Variants in NT5DC1 observed in about 807,000 individuals in gnomAD.
NT5DC1 encodes the protein 5'-nucleotidase domain containing 1, also known as 5'-nucleotidase domain-containing protein 1.
A neutral mutation model predicts 59.4 loss-of-function variants in NT5DC1; 42 were observed. The observed-to-expected ratio is 0.71, with a 90% CI of 0.55 to 0.92. The LOEUF (loss-of-function observed/expected upper bound fraction) is 0.92, where lower values mean the gene tolerates loss of function less well. NT5DC1 is among the 40% of genes least tolerant of loss of function. The pLI, the probability that NT5DC1 is intolerant of heterozygous loss-of-function variation, is 0.00. For missense variants in NT5DC1, 501 were observed against 537.1 expected, an observed-to-expected ratio of 0.93 and a Z score of 0.66; for synonymous variants, 172 against 188.1, an observed-to-expected ratio of 0.91 and a Z score of 0.70.
At chr6:116,103,551 T>C (rs564253) in intron 1 of NT5DC1, among the ~76,000 whole-genome samples, 91,215 of 151,558 alleles carry the variant, frequency 0.6, 27,796 homozygotes, top group South Asian at 0.79. Flanking sequence ...AGAGTAAAGG[T>C]CAGAACCTCG....
intron 6 of NT5DC1, among the ~76,000 whole-genome samples, chr6:116,204,614 T>C (rs1781411828): frequency 6.6e-6 from 1 of 151,958 alleles, no homozygotes; most frequent in Non-Finnish European, 1.5e-5. Flanking sequence ...CGTTTAACAT[T>C]TATAAGCCCT....
rs761512500 is a variant in NT5DC1 at position 116,121,481 on chromosome 6, C to T, written c.529+3536C>T. On this transcript the variant is annotated intron_variant, in intron 6 of 11. Transcript: ENST00000319550. ...TCCCACTCCAGGAGGGCCAGATGGTCCTGTGGGACCCTGAGGGCCTGGAAG... is the reference window on the plus strand; with the variant it reads ...TCCCACTCCAGGAGGGCCAGATGGTTCTGTGGGACCCTGAGGGCCTGGAAG... 8.7e-6 allele frequency: 14 copies of T among 1,614,180 alleles called. No homozygotes were observed. The South Asian group carries it at 1.5e-4, about 18-fold the overall frequency.
chr6:116,119,387 T>C (rs2114272209), intron 6 of NT5DC1: 1 of 152,536 alleles, frequency 6.6e-6, no homozygotes, highest in African/African-American at 2.4e-5. Context: ...TTCTCTGCAA[T>C]CATAGAAAAG....
At chr6:116,171,946 A>G (rs921952934) in intron 6 of NT5DC1, among the ~76,000 whole-genome samples, 49 of 152,192 alleles carry the variant, frequency 3.2e-4, no homozygotes, top group African/African-American at 1.1e-3. Context: ...TGCTTAGTGG[A>G]TAGGATTTTA....
intron 8 of NT5DC1, among the ~76,000 whole-genome samples, chr6:116,234,339 G>A (rs1782076274): frequency 6.6e-6 from 1 of 151,898 alleles, no homozygotes; most frequent in Admixed American, 6.6e-5. Flanking sequence ...TTTTGGGTTG[G>A]GGTGGGGGTT....
At position 116,244,391 on chromosome 6, in the gene NT5DC1, T is replaced by C. The variant is rs1470650382; in HGVS notation, c.*367T>C. On this transcript the variant is annotated 3_prime_UTR_variant, in exon 12 of 12. Transcript: ENST00000319550. Reference sequence around the variant, plus strand: ...TACCTGAGAACTTGATAATGCATATTTGCAGGCCCCACGCAAAACCTGCTG... The same window carrying C: ...TACCTGAGAACTTGATAATGCATATCTGCAGGCCCCACGCAAAACCTGCTG... The C allele has an allele frequency of 6.5e-6, 1 of 154,302 alleles. No homozygotes were observed. Among genetic ancestry groups the C allele is most frequent in the African/African-American group, 2.4e-5 (1 of 41,490 alleles). The allele number at this position is 154,302 out of a possible 1,614,324, so 9.6% of individuals were successfully genotyped here.
At chr6:116,188,936 G>A (rs1243397027) in intron 6 of NT5DC1, among the ~76,000 whole-genome samples, 1 of 151,894 alleles carries the variant, frequency 6.6e-6, no homozygotes, top group Non-Finnish European at 1.5e-5. Flanking sequence ...GCAGAGTGGA[G>A]TTTAATTTAT....
chr6:116,135,215 A>T (rs1779558975), intron 6 of NT5DC1, among the ~76,000 whole-genome samples: 1 of 152,100 alleles, frequency 6.6e-6, no homozygotes, highest in Non-Finnish European at 1.5e-5. Flanking sequence ...TACATATATG[A>T]CCCTTAAAGG....
intron 4 of NT5DC1, among the ~76,000 whole-genome samples, chr6:116,113,409 G>T (rs929199107): frequency 6.6e-6 from 1 of 152,200 alleles, no homozygotes; most frequent in Non-Finnish European, 1.5e-5. Flanking sequence ...AAAACTTAAT[G>T]GTTATAGGAC....
intron 6 of NT5DC1, among the ~76,000 whole-genome samples, chr6:116,168,996 C>A (rs1292712035): frequency 6.6e-6 from 1 of 152,144 alleles, no homozygotes; most frequent in Non-Finnish European, 1.5e-5. Context: ...TTCTAATAAA[C>A]CCTGGAGAGT....
chr6:116,101,463 T>G (rs528005086), intron 1 of NT5DC1, among the ~76,000 whole-genome samples: 2 of 152,282 alleles, frequency 1.3e-5, no homozygotes, highest in East Asian at 3.9e-4. Context: ...TTGGCTGCAT[T>G]TTTCTGTTTG....
intron 6 of NT5DC1, among the ~76,000 whole-genome samples, chr6:116,174,190 GT>G (rs1242029475): frequency 6.6e-6 from 1 of 152,098 alleles, no homozygotes; most frequent in Non-Finnish European, 1.5e-5. Flanking sequence ...CATTTGCCAT[GT>G]TTCTCTACTG....
chr6:116,148,362 G>A (rs1009852997), intron 6 of NT5DC1, among the ~76,000 whole-genome samples: 9 of 152,118 alleles, frequency 5.9e-5, no homozygotes, highest in Non-Finnish European at 7.4e-5. Flanking sequence ...AAATATTGTA[G>A]CATTTGTTTT....
Position 116,130,940 on chromosome 6 carries a change from A to G in NT5DC1, c.529+12995A>G, listed in dbSNP as rs746757033. 3.6e-4 allele frequency among the ~76,000 whole-genome samples: 55 copies of G among 152,182 alleles called. 1 individual carries two copies. The highest frequency in any genetic ancestry group is 7.9e-4 in the Admixed American group (12 of 15,262). Reference sequence around the variant, plus strand: ...CTTTTGGTATTTTCACTAGAGCTGCATTACTGTGCTGTAAAGTCACATGAC... The same window carrying G: ...CTTTTGGTATTTTCACTAGAGCTGCGTTACTGTGCTGTAAAGTCACATGAC... On this transcript the variant is annotated intron_variant, in intron 6 of 11. Transcript: ENST00000319550.
chr6:116,226,626 T>A (rs1781915087), intron 8 of NT5DC1, among the ~76,000 whole-genome samples: 4 of 152,046 alleles, frequency 2.6e-5, no homozygotes, highest in Admixed American at 1.3e-4. Flanking sequence ...GACATAATAA[T>A]GATGTTTATC....
At chr6:116,181,164 C>T (rs901188733) in intron 6 of NT5DC1, among the ~76,000 whole-genome samples, 8 of 151,870 alleles carry the variant, frequency 5.3e-5, no homozygotes, top group African/African-American at 1.9e-4. Flanking sequence ...GTTTGTTATA[C>T]TCACCTCTCT....
At chr6:116,185,598 T>G (rs1004654382) in intron 6 of NT5DC1, among the ~76,000 whole-genome samples, 1 of 152,116 alleles carries the variant, frequency 6.6e-6, no homozygotes, top group African/African-American at 2.4e-5. Flanking sequence ...GTTGGACTAG[T>G]CCTTTTATCC....
chr6:116,174,020 C>T (rs530041393), intron 6 of NT5DC1, among the ~76,000 whole-genome samples: 1 of 152,178 alleles, frequency 6.6e-6, no homozygotes, highest in Admixed American at 6.5e-5. Context: ...TATAAAATGC[C>T]CCTCCATTTG....
At position 116,243,933 on chromosome 6, in the gene NT5DC1, C is replaced by T. The variant is rs1771788148; in HGVS notation, c.1277C>T (p.Thr426Ile). The T allele has an allele frequency of 6.4e-7, 1 of 1,554,238 alleles. No homozygotes were observed. The highest frequency in any genetic ancestry group is 8.8e-7 in the Non-Finnish European group (1 of 1,132,196). ...IAELPLDYKF[T>I]RFSSSNSKTA... The stretch of plus-strand genomic sequence containing the variant: ...GAATTACCTCTGGACTACAAATTTA[C>T]AAGATTCTCTTCAAGCAATTCAAAA... Residue 426 changes from threonine to isoleucine, a missense_variant, in exon 12 of 12, where the codon ACA becomes ATA. Physicochemically the swap from Thr to Ile is moderately conservative, Grantham distance 89. Transcript: ENST00000319550.
Sources: allele counts gnomAD v4.1 joint callset (sites outside exome capture counted in the v4.1 genomes callset), GRCh38; gene constraint gnomAD v4.1.1; transcripts MANE v1.5; gene names NCBI Gene and HGNC (gene_info 2026-07-23, HGNC 2026-07-21).